The following NUP160 variants were observed in gnomAD, a reference collection of about 807,000 sequenced individuals.
The protein encoded by NUP160 is nuclear pore complex protein Nup160.
In NUP160, 94 loss-of-function variants were observed where a neutral mutation model predicts 196.9. The ratio of observed to expected loss-of-function variants is 0.48; its 90% CI spans 0.40 to 0.57. The LOEUF (loss-of-function observed/expected upper bound fraction) is 0.57, where lower values mean the gene tolerates loss of function less well. NUP160 is among the 20% of genes least tolerant of loss of function. The pLI is 0.00. For synonymous variants in NUP160, 605 were observed against 619.7 expected (o/e 0.98, Z 0.35); for missense variants, 1,638 against 1,748.3 (o/e 0.94, Z 1.13).
chr11:47,779,162 GTCC>G, exon 36 of NUP160: 3 of 1,613,210 alleles, frequency 1.9e-6, no homozygotes, highest in Non-Finnish European at 2.5e-6. Context: ...TTTGCTGGTA[GTCC>G]TCCAATTTGT....
intron 7 of NUP160, among the ~76,000 whole-genome samples, chr11:47,822,418 C>T (rs1158642906): frequency 3.3e-5 from 5 of 151,918 alleles, no homozygotes; most frequent in South Asian, 2.1e-4. Context: ...CCACCATGCC[C>T]GGCTAATTTT....
intron 27 of NUP160, 90 bp from the exon 28 acceptor site, chr11:47,793,036 G>A: frequency 1.8e-6 from 2 of 1,113,720 alleles, no homozygotes; most frequent in South Asian, 1.5e-5. Context: ...GCCCAGGCTG[G>A]AGTGCAATGG....
Position 47,783,310 on chromosome 11 carries a change from A to C in NUP160, c.3991-112T>G, listed in dbSNP as rs147068092. 4.3e-3 allele frequency: 5,755 copies of C among 1,347,940 alleles called. 25 individuals are homozygous for C. The highest frequency in any genetic ancestry group is 7.3e-3 in the South Asian group (495 of 68,198). The allele number at this position is 1,347,940 out of a possible 1,614,324, so 83.5% of individuals were successfully genotyped here. On this transcript the variant is annotated intron_variant, in intron 33 of 35. Coordinates refer to ENST00000378460, the Ensembl canonical transcript of NUP160. ...ACATTTGTATTTCTCAATATAATTA[A>C]ACCAGTGGCTTGGTTTACTCATCTG... is the stretch of plus-strand genomic sequence containing the variant.
At chr11:47,798,978 GAATA>G (rs1335368731) in intron 23 of NUP160, among the ~76,000 whole-genome samples, 1 of 140,378 alleles carries the variant, frequency 7.1e-6, no homozygotes, top group Non-Finnish European at 1.5e-5. Context: ...TTGAATGAAA[GAATA>G]AATACGATTT....
intron 7 of NUP160, among the ~76,000 whole-genome samples, chr11:47,832,802 A>G (rs1852103362): frequency 6.6e-6 from 1 of 152,182 alleles, no homozygotes; most frequent in Non-Finnish European, 1.5e-5. Flanking sequence ...AGCTGTATGT[A>G]TTGGGCACTT....
At chr11:47,806,828 C>T (rs1454379371) in intron 19 of NUP160, among the ~76,000 whole-genome samples, 3 of 148,992 alleles carry the variant, frequency 2.0e-5, no homozygotes, top group East Asian at 2.0e-4. Context: ...CACACACACA[C>T]ACACACACAC....
At chr11:47,810,545 TTTC>T (rs896516329) in intron 17 of NUP160, among the ~76,000 whole-genome samples, 9 of 151,652 alleles carry the variant, frequency 5.9e-5, no homozygotes, top group Non-Finnish European at 1.2e-4. Flanking sequence ...GGGTTTATAA[TTTC>T]TTTTTTTTTT....
intron 11 of NUP160, among the ~76,000 whole-genome samples, chr11:47,816,713 T>C (rs960021819): frequency 6.6e-6 from 1 of 151,542 alleles, no homozygotes; most frequent in African/African-American, 2.4e-5. Flanking sequence ...GAGGCAGAGG[T>C]TGCAGTGAGC....
chr11:47,847,909 C>T lies in NUP160; in HGVS notation c.253G>A (p.Gly85Ser), dbSNP rs143209851. Residue 85 changes from glycine to serine, a missense_variant, in exon 2 of 36, where the codon GGC becomes AGC. By Grantham distance (56) the Gly-to-Ser change is moderately conservative. This residue lies in a region of NUP160 where 287 missense variants were observed against 259.5 expected (regional missense o/e 1.11). Transcript: ENST00000378460. The stretch of plus-strand genomic sequence containing the variant: ...TTGCCACTCTCCACGTAGTAAAAGC[C>T]TCCCGCGCTTTCACTGTATTTTACG... 4.0e-5 allele frequency: 64 copies of T among 1,614,036 alleles called. No homozygotes were observed. In the African/African-American group the frequency reaches 8.0e-4, roughly 20 times the overall value.
chr11:47,803,612 T>C (rs2097675697), intron 21 of NUP160, 76 bp from the exon 22 acceptor site: 2 of 812,910 alleles, frequency 2.5e-6, no homozygotes, highest in Non-Finnish European at 4.3e-6. Flanking sequence ...AAGTTATTCG[T>C]CACAGAGGAT....
In NUP160 at chr11:47,804,627, T is replaced by C. The variant is rs1312653763; in HGVS notation, c.2607-9A>G. 1 of 1,507,644 alleles carries C rather than the reference T, an allele frequency of 6.6e-7. No individual in the cohort carries two copies. The highest frequency in any genetic ancestry group is 2.6e-5 in the East Asian group (1 of 38,328). The allele number at this position is 1,507,644 out of a possible 1,614,324, so 93.4% of individuals were successfully genotyped here. On this transcript the variant is annotated splice_polypyrimidine_tract_variant and intron_variant, in intron 20 of 35. Transcript: ENST00000378460. The stretch of plus-strand genomic sequence containing the variant: ...CAGGATTGCTAGGCCATCTAGTCAT[T>C]GGTTAAGGATATTTCTTAATTTTTG...
At chr11:47,816,132 G>A in intron 11 of NUP160, 103 bp from the exon 12 acceptor site, 1 of 727,088 alleles carries the variant, frequency 1.4e-6, no homozygotes, top group Non-Finnish European at 2.3e-6. Flanking sequence ...ATATAATAGA[G>A]ATTTGGCATA....
chr11:47,824,101 TTTAA>T (rs1395761800), intron 7 of NUP160, among the ~76,000 whole-genome samples: 1 of 148,068 alleles, frequency 6.8e-6, no homozygotes, highest in Non-Finnish European at 1.5e-5. Flanking sequence ...TAATTCTATG[TTTAA>T]TTTTTTGAGG....
chr11:47,834,621 C>T (rs546571727), intron 7 of NUP160, among the ~76,000 whole-genome samples: 1 of 152,074 alleles, frequency 6.6e-6, no homozygotes, highest in East Asian at 1.9e-4. Flanking sequence ...GGTCGGGGAC[C>T]TGGGGGGTTG....
rs1248641982 is a variant in NUP160, at chr11:47,837,610, G to A, written c.762C>T (p.Val254=). The A allele has an allele frequency of 4.3e-6, 7 of 1,613,642 alleles. No individual in the cohort carries two copies. In the East Asian group the frequency reaches 6.7e-5, roughly 15 times the overall value. The change falls in exon 5 of 36, where the codon GTC becomes GTT. Residue 254 remains valine, a synonymous_variant. Coordinates refer to ENST00000378460, the Ensembl canonical transcript of NUP160. ...TTACTGAACTCTGTTTCAGTTCCAC[G>A]ACTGACACCATACCTGCAATGATAT...
At chr11:47,778,425 T>G (rs2097658773) in exon 36 of NUP160, 1 of 152,614 alleles carries the variant, frequency 6.6e-6, no homozygotes, top group African/African-American at 2.4e-5. Flanking sequence ...AGTTAACAAT[T>G]TACTCTGAGA....
At chr11:47,784,923 T>C (rs1018187095) in exon 33 of NUP160, 1 of 1,589,986 alleles carries the variant, frequency 6.3e-7, no homozygotes, top group Non-Finnish European at 8.6e-7. Context: ...TCCGTTTACC[T>C]TGTAACTGTT....
At chr11:47,813,080 T>C in intron 14 of NUP160, 33 bp from the exon 15 acceptor site, 1 of 1,449,654 alleles carries the variant, frequency 6.9e-7, no homozygotes, top group Non-Finnish European at 9.6e-7. Context: ...ATTTATGTCT[T>C]AAGCCAATGA....
intron 34 of NUP160, among the ~76,000 whole-genome samples, chr11:47,781,743 G>A (rs1453222950): frequency 6.6e-6 from 1 of 152,140 alleles, no homozygotes; most frequent in Non-Finnish European, 1.5e-5. Context: ...AAAAATGCTT[G>A]TAGAGACTTA....
Sources: allele counts gnomAD v4.1 joint callset (sites outside exome capture counted in the v4.1 genomes callset), GRCh38; gene constraint gnomAD v4.1.1; regional missense constraint gnomAD v4.1.1; transcripts MANE v1.5; gene names NCBI Gene and HGNC (gene_info 2026-07-23, HGNC 2026-07-21).